C7orf57: variants seen among roughly 807,000 people sequenced by gnomAD.
C7orf57 encodes uncharacterized protein C7orf57.
Under a neutral mutation model 39.0 loss-of-function variants are expected in C7orf57, and 33 were observed. That is an observed-to-expected ratio of 0.85 (90% CI 0.64 to 1.13). The LOEUF is 1.13. Among genes scored for constraint, C7orf57 ranks in the 50% most tolerant of loss-of-function variants. The pLI is 0.00. For synonymous variants in C7orf57, 124 were observed against 137.1 expected (o/e 0.90, Z 0.67); for missense variants, 346 against 362.3 (o/e 0.95, Z 0.37).
chr7:48,056,475 T>C (rs575465943), intron 8 of C7orf57, among the ~76,000 whole-genome samples: 12 of 152,246 alleles, frequency 7.9e-5, no homozygotes, highest in South Asian at 4.1e-4. Context: ...TTTTTCCTTT[T>C]GTTACTTGGG....
intron 4 of C7orf57, among the ~76,000 whole-genome samples, chr7:48,046,021 T>A (rs185173864): frequency 1.6e-3 from 251 of 152,288 alleles, no homozygotes; most frequent in Middle Eastern, 6.8e-3. Context: ...ATAAGGTACG[T>A]TTTATAAATT....
chr7:48,051,541 T>G (rs1187290348), intron 6 of C7orf57, among the ~76,000 whole-genome samples: 1 of 151,208 alleles, frequency 6.6e-6, no homozygotes, highest in African/African-American at 2.4e-5. Flanking sequence ...TTTCACCATG[T>G]TGGCCAGAGT....
intron 2 of C7orf57, among the ~76,000 whole-genome samples, chr7:48,038,383 T>TATATAGATAGATAGATAG (rs148010398): frequency 6.7e-4 from 100 of 150,242 alleles, no homozygotes; most frequent in African/African-American, 2.4e-3. Context: ...TCTATATACA[T>TATATAGATAGATAGATAG]ATAGATAGAT....
intron 6 of C7orf57, 87 bp downstream of exon 6, chr7:48,050,064 C>T (rs1790830998): frequency 1.2e-6 from 1 of 861,040 alleles, no homozygotes. Flanking sequence ...GCGCTAGTGA[C>T]AGCATCCACA....
intron 8 of C7orf57, among the ~76,000 whole-genome samples, chr7:48,059,923 T>C (rs913135660): frequency 1.3e-5 from 2 of 152,206 alleles, no homozygotes; most frequent in Non-Finnish European, 2.9e-5. Flanking sequence ...ATACTATTTA[T>C]TTAATAATTC....
chr7:48,051,754 C>CTT (rs774618537), intron 6 of C7orf57, among the ~76,000 whole-genome samples: 4 of 12,892 alleles, frequency 3.1e-4, no homozygotes, highest in African/African-American at 9.0e-4. Flanking sequence ...TTTTTCTTTT[C>CTT]TTTCTTTCTT....
intron 6 of C7orf57, 122 bp from the exon 7 acceptor site, chr7:48,052,577 AG>A: frequency 1.4e-6 from 1 of 739,590 alleles, no homozygotes; most frequent in East Asian, 2.6e-5. Context: ...AGACAGAGAG[AG>A]AGAGGTTTGT....
chr7:48,058,741 A>C (rs1057019439), intron 8 of C7orf57, among the ~76,000 whole-genome samples: 1 of 152,216 alleles, frequency 6.6e-6, no homozygotes, highest in Non-Finnish European at 1.5e-5. Flanking sequence ...CAGCAGGTAC[A>C]GAAGATCACC....
At chr7:48,037,642 T>C (rs1408354548) in intron 2 of C7orf57, among the ~76,000 whole-genome samples, 6 of 151,882 alleles carry the variant, frequency 4.0e-5, no homozygotes, top group African/African-American at 7.3e-5. Context: ...GGGAAGGCTA[T>C]ATATATATAT....
At chr7:48,036,416 T>C in intron 2 of C7orf57, 53 bp downstream of exon 2, 2 of 1,467,644 alleles carry the variant, frequency 1.4e-6, no homozygotes, top group South Asian at 1.3e-5. Flanking sequence ...GCGTGCACTC[T>C]GCTTGCTAGA....
intron 2 of C7orf57, 36 bp downstream of exon 2, chr7:48,036,399 G>C (rs528179783): frequency 2.6e-6 from 4 of 1,535,368 alleles, no homozygotes; most frequent in African/African-American, 2.8e-5. Context: ...GCCAGAAAGA[G>C]CTGGGTGCGT....
chr7:48,057,987 A>T (rs114866213), intron 8 of C7orf57, among the ~76,000 whole-genome samples: 2,321 of 152,238 alleles, frequency 0.015, 68 homozygotes, highest in African/African-American at 0.053. Flanking sequence ...TTAATGTAGT[A>T]TATCACATTT....
Position 48,052,829 on chromosome 7 carries a change from A to G in C7orf57, c.735A>G (p.Ser245=). 1.9e-6 allele frequency: 3 copies of G among 1,614,010 alleles called. No homozygotes were observed. Among genetic ancestry groups the G allele is most frequent in the Non-Finnish European group, 2.5e-6 (3 of 1,179,882 alleles). ...DKRTPKTSRA[S]VLSQSPRDLE... is the part of the protein sequence containing the mutation. ...GGACCCCGAAGACCTCCAGGGCATC[A>G]GTGTTATCTCAGTCCCCACGAGACC... Residue 245 remains serine (S), a synonymous_variant, in exon 7 of 9, where the codon TCA becomes TCG. Coordinates refer to ENST00000348904, the MANE Select transcript of C7orf57 (RefSeq NM_001100159.3).
At chr7:48,054,359 A>G (rs1583822367) in intron 7 of C7orf57, among the ~76,000 whole-genome samples, 1 of 148,376 alleles carries the variant, frequency 6.7e-6, no homozygotes, top group Non-Finnish European at 1.5e-5. Context: ...GGTTGCGGTG[A>G]GCCGAGATCG....
At chr7:48,050,767 G>A (rs928867607) in intron 6 of C7orf57, among the ~76,000 whole-genome samples, 1 of 152,138 alleles carries the variant, frequency 6.6e-6, no homozygotes, top group Non-Finnish European at 1.5e-5. Flanking sequence ...CCTCCTGGGC[G>A]CAAGAAATCC....
intron 2 of C7orf57, among the ~76,000 whole-genome samples, chr7:48,038,064 T>C (rs1790436500): frequency 6.6e-6 from 1 of 152,242 alleles, no homozygotes; most frequent in African/African-American, 2.4e-5. Context: ...CTCTTATTCA[T>C]TCTTAAATTG....
chr7:48,037,749 C>CTGTGTGTGTG (rs71006544), intron 2 of C7orf57, among the ~76,000 whole-genome samples: 8,946 of 150,624 alleles, frequency 0.059, 307 homozygotes, highest in Admixed American at 0.093. Context: ...CTTTAACCCT[C>CTGTGTGTGTG]TGTGTGTGTG....
At chr7:48,056,650 C>A (rs948882877) in intron 8 of C7orf57, among the ~76,000 whole-genome samples, 2 of 152,060 alleles carry the variant, frequency 1.3e-5, no homozygotes, top group Non-Finnish European at 2.9e-5. Flanking sequence ...GGATGCTCAA[C>A]CAGTAAGTAT....
In C7orf57 at chr7:48,056,617, C is replaced by G. The variant is rs551005796; in HGVS notation, c.841+2011C>G. Among the ~76,000 whole-genome samples the G allele has an allele frequency of 2.0e-5, 3 of 152,074 alleles. No individual in the cohort carries two copies. In the East Asian group the frequency reaches 5.8e-4, roughly 29 times the overall value. On this transcript the variant is annotated intron_variant, in intron 8 of 8. Coordinates refer to ENST00000348904, the MANE Select transcript of C7orf57 (RefSeq NM_001100159.3). ...AAAGGAAATGCTCATTGGAACATTT[C>G]GGATTTTGGATTTTTGGATTTGGGA...
Sources: allele counts gnomAD v4.1 joint callset (sites outside exome capture counted in the v4.1 genomes callset), GRCh38; gene constraint gnomAD v4.1.1; transcripts MANE v1.5; gene names NCBI Gene and HGNC (gene_info 2026-07-23, HGNC 2026-07-21).